Variants in PDE7B observed in about 807,000 individuals in gnomAD.
PDE7B encodes the protein 3',5'-cyclic-AMP phosphodiesterase 7B.
A neutral mutation model predicts 56.2 loss-of-function variants in PDE7B; 29 were observed. That is an observed-to-expected ratio of 0.52 (90% CI 0.38 to 0.70). The LOEUF (loss-of-function observed/expected upper bound fraction) is 0.70. Ranked by LOEUF, PDE7B falls within the 30% of genes least tolerant of loss-of-function variation. The pLI is 0.00. For synonymous variants in PDE7B, 197 were observed against 196.9 expected, an observed-to-expected ratio of 1.00 and a Z score of 0.00; for missense variants, 490 against 565.0, an observed-to-expected ratio of 0.87 and a Z score of 1.35.
chr6:136,054,467 A>T (rs1188131934), intron 2 of PDE7B, among the ~76,000 whole-genome samples: 73 of 152,286 alleles, frequency 4.8e-4, no homozygotes, highest in Non-Finnish European at 1.3e-4. Flanking sequence ...GACTTGTAGT[A>T]TAGTTTGAAG....
intron 2 of PDE7B, among the ~76,000 whole-genome samples, chr6:136,047,861 A>T (rs1776541934): frequency 6.6e-6 from 1 of 152,234 alleles, no homozygotes; most frequent in South Asian, 2.1e-4. Context: ...ATTAGAAGAG[A>T]CAGATACAGA....
At chr6:135,901,441 G>A (rs555180967) in intron 1 of PDE7B, among the ~76,000 whole-genome samples, 97 of 152,104 alleles carry the variant, frequency 6.4e-4, no homozygotes, top group African/African-American at 2.2e-3. Flanking sequence ...TTCAATAGGC[G>A]GAAAGCCACA....
chr6:136,038,580 C>A lies in PDE7B; in HGVS notation c.83-70151C>A, dbSNP rs539157390. ...TCACAGGACCAAGTCTGATAACTAA[C>A]TCCCTTTCTTTGTAGAGTCCAAGCC... On this transcript the variant is annotated intron_variant, in intron 2 of 12. Coordinates refer to ENST00000308191, the MANE Select transcript of PDE7B (RefSeq NM_018945.4). 21 of 1,219,494 alleles carry A rather than the reference C, an allele frequency of 1.7e-5. 1 individual carries two copies. The African/African-American group carries it at 3.1e-4, about 18-fold the overall frequency. The allele number at this position is 1,219,494 out of a possible 1,614,324, so 75.5% of individuals were successfully genotyped here.
intron 2 of PDE7B, among the ~76,000 whole-genome samples, chr6:136,079,643 T>C (rs1409674188): frequency 6.8e-6 from 1 of 147,794 alleles, no homozygotes; most frequent in East Asian, 2.0e-4. Context: ...TCTTTGACTG[T>C]GGCCAACATT....
chr6:136,125,823 GC>G (rs1460476880), intron 3 of PDE7B, among the ~76,000 whole-genome samples: 1 of 152,024 alleles, frequency 6.6e-6, no homozygotes, highest in Admixed American at 6.6e-5. Context: ...TTACACAACA[GC>G]CTTCCCGGGG....
At chr6:136,037,290 A>G (rs760058179) in intron 2 of PDE7B, 19 of 380,590 alleles carry the variant, frequency 5.0e-5, no homozygotes, top group Non-Finnish European at 6.9e-5. Flanking sequence ...ACGCATGAGG[A>G]TCTTGATGCT....
At chr6:136,052,774 G>C (rs893960105) in intron 2 of PDE7B, among the ~76,000 whole-genome samples, 1 of 152,154 alleles carries the variant, frequency 6.6e-6, no homozygotes, top group Non-Finnish European at 1.5e-5. Context: ...TCTGTGCCAG[G>C]CATTTCACTT....
At chr6:136,165,097 C>A (rs1007325988) in intron 8 of PDE7B, among the ~76,000 whole-genome samples, 1 of 152,146 alleles carries the variant, frequency 6.6e-6, no homozygotes, top group Non-Finnish European at 1.5e-5. Flanking sequence ...AATGAGCAGA[C>A]CACTGACATG....
intron 2 of PDE7B, among the ~76,000 whole-genome samples, chr6:135,982,127 C>T (rs993043584): frequency 1.3e-5 from 2 of 152,114 alleles, no homozygotes; most frequent in Non-Finnish European, 2.9e-5. Flanking sequence ...TTTCTAGGTC[C>T]ATGTCATACT....
chr6:136,110,216 C>T (rs967950461), intron 3 of PDE7B, among the ~76,000 whole-genome samples: 5 of 152,020 alleles, frequency 3.3e-5, no homozygotes, highest in Admixed American at 2.6e-4. Context: ...TTTGGAAGAC[C>T]GAATTGAGCC....
chr6:136,037,388 G>C lies in PDE7B; in HGVS notation c.83-71343G>C, dbSNP rs1357416013. 6 of 982,348 alleles carry C rather than the reference G, an allele frequency of 6.1e-6. No homozygotes were observed. The African/African-American group carries it at 1.0e-4, about 17-fold the overall frequency. The allele number at this position is 982,348 out of a possible 1,614,324, so 60.9% of individuals were successfully genotyped here. ...CTGAAGGGCAGCTGAGGTTATGAAG[G>C]GATTTGACTAATAGGTCATAACCCA... On this transcript the variant is annotated intron_variant, in intron 2 of 12. Transcript: ENST00000308191.
At chr6:136,149,045 A>C (rs1448561306) in intron 4 of PDE7B, 42 bp from the exon 5 acceptor site, 1 of 1,364,284 alleles carries the variant, frequency 7.3e-7, no homozygotes. Flanking sequence ...TTGAGTCTCC[A>C]GTGTGATTCA....
intron 1 of PDE7B, among the ~76,000 whole-genome samples, chr6:135,878,973 ATT>A (rs1231642463): frequency 6.6e-6 from 1 of 151,964 alleles, no homozygotes; most frequent in Non-Finnish European, 1.5e-5. Flanking sequence ...TCTTGAGTAT[ATT>A]TTTTGAAGTT....
At chr6:135,927,736 A>C (rs551780169) in intron 1 of PDE7B, among the ~76,000 whole-genome samples, 2 of 152,320 alleles carry the variant, frequency 1.3e-5, no homozygotes, top group South Asian at 2.1e-4. Flanking sequence ...TCAGCAAAGA[A>C]TTTATGACTA....
intron 2 of PDE7B, among the ~76,000 whole-genome samples, chr6:136,065,979 C>G (rs751121497): frequency 8.5e-5 from 13 of 152,202 alleles, no homozygotes; most frequent in Non-Finnish European, 1.6e-4. Flanking sequence ...ACCAATTTTA[C>G]ACACCACTGC....
chr6:136,030,375 T>C (rs1328642492), intron 2 of PDE7B, among the ~76,000 whole-genome samples: 1 of 152,250 alleles, frequency 6.6e-6, no homozygotes, highest in Non-Finnish European at 1.5e-5. Context: ...CTAGGGCGCA[T>C]GAATTCCAGG....
chr6:136,133,957 T>A (rs1227522790), intron 3 of PDE7B, among the ~76,000 whole-genome samples: 12 of 152,164 alleles, frequency 7.9e-5, no homozygotes, highest in Non-Finnish European at 1.8e-4. Context: ...TGCAGGGTAC[T>A]TTTGGGAGAT....
rs1776595442 is a variant in PDE7B at position 136,049,945 on chromosome 6, T to TC, written c.83-58786_83-58785insC. On this transcript the variant is annotated intron_variant, in intron 2 of 12. Coordinates refer to ENST00000308191, the MANE Select transcript of PDE7B (RefSeq NM_018945.4). ...GAGGATCTAGTTAAATCACTGCATT[T>TC]TTTTTTATGGTGAGAAAGCTGAGAC... is the stretch of plus-strand genomic sequence containing the variant. 2.6e-5 allele frequency among the ~76,000 whole-genome samples: 4 copies of TC among 151,880 alleles called. No individual in the cohort carries two copies. In the South Asian group the frequency reaches 8.3e-4, roughly 32 times the overall value.
At chr6:136,038,782 T>C (rs1308761896) in intron 2 of PDE7B, among the ~76,000 whole-genome samples, 1 of 152,206 alleles carries the variant, frequency 6.6e-6, no homozygotes, top group Admixed American at 6.5e-5. Context: ...CCTTTGGGCT[T>C]GCACAAGCCA....
Sources: allele counts gnomAD v4.1 joint callset (sites outside exome capture counted in the v4.1 genomes callset), GRCh38; gene constraint gnomAD v4.1.1; transcripts MANE v1.5; gene names NCBI Gene and HGNC (gene_info 2026-07-23, HGNC 2026-07-21).